SSBP2: variants seen among roughly 807,000 people sequenced by gnomAD.
SSBP2 encodes the protein single-stranded DNA-binding protein 2.
Under a neutral mutation model 61.8 loss-of-function variants are expected in SSBP2, and 17 were observed. The observed-to-expected ratio is 0.28, with a 90% CI of 0.19 to 0.41. SSBP2 has a LOEUF of 0.41. Among genes scored for constraint, SSBP2 ranks in the 10% least tolerant of loss-of-function variants. The pLI is 1.00. For missense variants in SSBP2, 310 were observed against 458.7 expected (o/e 0.68, Z 2.96); for synonymous variants, 139 against 141.3 (o/e 0.98, Z 0.12).
chr5:81,557,463 GATTCTA>G (rs1772693810), intron 4 of SSBP2, among the ~76,000 whole-genome samples: 1 of 152,116 alleles, frequency 6.6e-6, no homozygotes, highest in South Asian at 2.1e-4. Flanking sequence ...TCCTTTGGGT[GATTCTA>G]ATTCTAAGTA....
At chr5:81,597,686 T>C (rs1246704338) in intron 4 of SSBP2, among the ~76,000 whole-genome samples, 2 of 151,856 alleles carry the variant, frequency 1.3e-5, no homozygotes, top group Non-Finnish European at 2.9e-5. Flanking sequence ...CCATAAAAAA[T>C]GATGAGTTCA....
At chr5:81,465,939 C>T (rs1423716495) in intron 9 of SSBP2, among the ~76,000 whole-genome samples, 1 of 151,922 alleles carries the variant, frequency 6.6e-6, no homozygotes, top group African/African-American at 2.4e-5. Context: ...ACCTATTAAC[C>T]TATTTTCTAT....
chr5:81,448,835 G>T lies in SSBP2; in HGVS notation c.688-10C>A. ...CTGAGGAGTATGGTATCTGGAACAC[G>T]AATAGGACAAAAAAATTTTTGATTC... On this transcript the variant is annotated splice_polypyrimidine_tract_variant and intron_variant, in intron 10 of 16. Coordinates refer to ENST00000320672, the MANE Select transcript of SSBP2 (RefSeq NM_012446.5). 1.2e-6 allele frequency: 2 copies of T among 1,609,896 alleles called. No homozygotes were observed. Among genetic ancestry groups the T allele is most frequent in the South Asian group, 1.1e-5 (1 of 90,030 alleles).
chr5:81,463,608 G>A (rs903101748), intron 9 of SSBP2, among the ~76,000 whole-genome samples: 4 of 152,118 alleles, frequency 2.6e-5, no homozygotes, highest in African/African-American at 7.2e-5. Flanking sequence ...GCTGAGGCAG[G>A]AGAATTGCTT....
chr5:81,662,812 CAAAAAGAAA>C (rs1750810102), intron 1 of SSBP2, among the ~76,000 whole-genome samples: 1 of 151,564 alleles, frequency 6.6e-6, no homozygotes, highest in Non-Finnish European at 1.5e-5. Context: ...AAAACAGAAA[CAAAAAGAAA>C]AAAAAGAAAA....
intron 3 of SSBP2, 46 bp from the exon 4 acceptor site, chr5:81,615,603 A>G (rs767471329): frequency 3.2e-5 from 39 of 1,232,994 alleles, no homozygotes; most frequent in Non-Finnish European, 4.5e-5. Context: ...TACAACACCA[A>G]TATGAGAAAT....
chr5:81,686,915 A>G (rs948163982), intron 1 of SSBP2, among the ~76,000 whole-genome samples: 6 of 147,312 alleles, frequency 4.1e-5, no homozygotes, highest in African/African-American at 1.3e-4. Flanking sequence ...AAAGAAAAGA[A>G]AAAGTGACAA....
At chr5:81,732,152 A>C (rs1756310845) in intron 1 of SSBP2, among the ~76,000 whole-genome samples, 1 of 152,174 alleles carries the variant, frequency 6.6e-6, no homozygotes, top group South Asian at 2.1e-4. Context: ...AGAAACTAAA[A>C]TATGCAAAAA....
chr5:81,495,435 G>A (rs954127865), intron 5 of SSBP2, among the ~76,000 whole-genome samples: 11 of 152,180 alleles, frequency 7.2e-5, no homozygotes, highest in African/African-American at 2.2e-4. Context: ...TGAAGATTAC[G>A]CTGTACTCGC....
intron 10 of SSBP2, among the ~76,000 whole-genome samples, chr5:81,460,778 T>C (rs1764480764): frequency 6.6e-6 from 1 of 152,086 alleles, no homozygotes; most frequent in Non-Finnish European, 1.5e-5. Context: ...TAGGCTATTG[T>C]AGTATATACT....
intron 4 of SSBP2, among the ~76,000 whole-genome samples, chr5:81,587,469 C>T (rs1371944840): frequency 6.6e-6 from 1 of 152,088 alleles, no homozygotes; most frequent in African/African-American, 2.4e-5. Context: ...CGGTGGTTCA[C>T]GCGTGAAATC....
intron 1 of SSBP2, among the ~76,000 whole-genome samples, chr5:81,655,570 C>A (rs956637090): frequency 1.3e-5 from 2 of 152,092 alleles, no homozygotes; most frequent in African/African-American, 2.4e-5. Context: ...AGCCAAAGCC[C>A]GAAATGCAAA....
At chr5:81,741,105 T>G (rs1353645279) in intron 1 of SSBP2, among the ~76,000 whole-genome samples, 1 of 152,168 alleles carries the variant, frequency 6.6e-6, no homozygotes, top group East Asian at 1.9e-4. Context: ...GACTATACAA[T>G]TTACTCTGTG....
At chr5:81,506,584 T>C (rs1768198815) in intron 5 of SSBP2, among the ~76,000 whole-genome samples, 2 of 152,024 alleles carry the variant, frequency 1.3e-5, no homozygotes, top group Non-Finnish European at 2.9e-5. Flanking sequence ...GAAACAACCA[T>C]AGTCAAGAAA....
chr5:81,727,309 G>C (rs1446592394), intron 1 of SSBP2, among the ~76,000 whole-genome samples: 1 of 152,196 alleles, frequency 6.6e-6, no homozygotes, highest in Admixed American at 6.5e-5. Flanking sequence ...CAGCACTTTG[G>C]GAGGCCGAGG....
chr5:81,430,859 T>C (rs1762240962), intron 15 of SSBP2, among the ~76,000 whole-genome samples: 1 of 152,168 alleles, frequency 6.6e-6, no homozygotes, highest in South Asian at 2.1e-4. Context: ...TGGACCGTAT[T>C]TGAAAAGCCT....
intron 1 of SSBP2, 104 bp downstream of exon 1, chr5:81,750,877 C>G (rs1024583492): frequency 6.1e-6 from 8 of 1,305,430 alleles, no homozygotes; most frequent in Non-Finnish European, 8.6e-6. Flanking sequence ...CCACCCCCGG[C>G]GCTCCCCGGG....
At chr5:81,495,526 A>G (rs1452941329) in intron 5 of SSBP2, among the ~76,000 whole-genome samples, 1 of 152,132 alleles carries the variant, frequency 6.6e-6, no homozygotes, top group Admixed American at 6.5e-5. Flanking sequence ...TATAGGCTCC[A>G]TTTCCCCTAC....
chr5:81,490,860 A>C (rs1766805632), intron 5 of SSBP2, among the ~76,000 whole-genome samples: 1 of 152,230 alleles, frequency 6.6e-6, no homozygotes, highest in South Asian at 2.1e-4. Flanking sequence ...ACAGTAGATT[A>C]GTCAGGTAGT....
Sources: allele counts gnomAD v4.1 joint callset (sites outside exome capture counted in the v4.1 genomes callset), GRCh38; gene constraint gnomAD v4.1.1; transcripts MANE v1.5; gene names NCBI Gene and HGNC (gene_info 2026-07-23, HGNC 2026-07-21).